Variants in GABRG3 observed in about 807,000 individuals in gnomAD.
GABRG3 encodes the protein gamma-aminobutyric acid type A receptor subunit gamma3.
Under a neutral mutation model 48.8 loss-of-function variants are expected in GABRG3, and 25 were observed. The ratio of observed to expected loss-of-function variants is 0.51; its 90% CI spans 0.37 to 0.72. GABRG3 has a LOEUF of 0.72. Ranked by LOEUF, GABRG3 falls within the 30% of genes least tolerant of loss-of-function variation. GABRG3 has a pLI of 0.00. For missense variants in GABRG3, 394 were observed against 577.9 expected (o/e 0.68, Z 3.26); for synonymous variants, 227 against 217.6 (o/e 1.04, Z -0.38).
At chr15:27,436,260 T>C (rs1021751943) in intron 5 of GABRG3, among the ~76,000 whole-genome samples, 1 of 152,256 alleles carries the variant, frequency 6.6e-6, no homozygotes, top group Non-Finnish European at 1.5e-5. Context: ...GCTCTTTCTG[T>C]CTCTTCTTAT....
chr15:27,241,630 A>C (rs1025159728), intron 3 of GABRG3, among the ~76,000 whole-genome samples: 1 of 152,186 alleles, frequency 6.6e-6, no homozygotes, highest in South Asian at 2.1e-4. Flanking sequence ...TTCACTTTCC[A>C]TTTAAATGTT....
chr15:27,042,682 G>A (rs544063255), intron 3 of GABRG3, among the ~76,000 whole-genome samples: 43 of 152,334 alleles, frequency 2.8e-4, no homozygotes, highest in African/African-American at 8.4e-4. Context: ...CCAAACTCCC[G>A]GTGCCTGGGT....
At position 27,177,907 on chromosome 15, in the gene GABRG3, G is replaced by A. The variant is rs208130; in HGVS notation, c.271-148902G>A. Among the ~76,000 whole-genome samples, 1,206 of 152,248 alleles carry A rather than the reference G, an allele frequency of 7.9e-3. 17 individuals carry two copies. Among genetic ancestry groups the A allele is most frequent in the African/African-American group, 0.028 (1,147 of 41,552 alleles). On this transcript the variant is annotated intron_variant, in intron 3 of 9. Coordinates refer to ENST00000615808, the MANE Select transcript of GABRG3 (RefSeq NM_033223.5). ...TAGCCAATGAGCACAGTGGTGGTCA[G>A]AGGATGGAAAAATTACTAAGAAGAA...
chr15:27,156,753 T>G lies in GABRG3; in HGVS notation c.270+129932T>G, dbSNP rs542384855. ...GTTGAAGATGAATTTGTTTTCCAGCTTTTACTCTGAAGGTGATCAGCAGTC... is the reference window on the plus strand; with the variant it reads ...GTTGAAGATGAATTTGTTTTCCAGCGTTTACTCTGAAGGTGATCAGCAGTC... On this transcript the variant is annotated intron_variant, in intron 3 of 9. Coordinates refer to ENST00000615808, the MANE Select transcript of GABRG3 (RefSeq NM_033223.5). 5.3e-5 allele frequency among the ~76,000 whole-genome samples: 8 copies of G among 152,344 alleles called. No homozygotes were observed. In the East Asian group the frequency reaches 1.5e-3, roughly 29 times the overall value.
intron 9 of GABRG3, among the ~76,000 whole-genome samples, chr15:27,529,822 C>T (rs1216378172): frequency 4.5e-5 from 1 of 22,238 alleles, no homozygotes; most frequent in Non-Finnish European, 8.9e-5. Flanking sequence ...AATGATGCTG[C>T]CAAAAGAAGA....
intron 6 of GABRG3, among the ~76,000 whole-genome samples, chr15:27,500,288 T>C (rs1459307384): frequency 1.3e-5 from 2 of 152,024 alleles, no homozygotes; most frequent in African/African-American, 2.4e-5. Context: ...GCACTGTTGC[T>C]AGAGGCCCGG....
intron 5 of GABRG3, among the ~76,000 whole-genome samples, chr15:27,371,066 C>T (rs1044781824): frequency 6.6e-6 from 1 of 152,102 alleles, no homozygotes; most frequent in African/African-American, 2.4e-5. Context: ...TATACAATTA[C>T]ACCATCATCC....
chr15:27,341,403 A>T (rs1894173097), intron 5 of GABRG3, among the ~76,000 whole-genome samples: 1 of 152,150 alleles, frequency 6.6e-6, no homozygotes, highest in Non-Finnish European at 1.5e-5. Context: ...AAACTTTAAA[A>T]ATCAAACTTG....
intron 5 of GABRG3, among the ~76,000 whole-genome samples, chr15:27,332,025 A>C (rs1274052368): frequency 6.6e-6 from 1 of 152,214 alleles, no homozygotes; most frequent in Non-Finnish European, 1.5e-5. Flanking sequence ...ACCACTTTAC[A>C]TGTGTAGCAT....
chr15:27,405,735 A>C (rs891268823), intron 5 of GABRG3, among the ~76,000 whole-genome samples: 3 of 152,068 alleles, frequency 2.0e-5, no homozygotes, highest in African/African-American at 7.2e-5. Context: ...GAGGGTTTTG[A>C]AGCGGCAACA....
intron 3 of GABRG3, among the ~76,000 whole-genome samples, chr15:27,173,625 C>T (rs1264163773): frequency 6.7e-6 from 1 of 149,946 alleles, no homozygotes; most frequent in East Asian, 2.0e-4. Context: ...AATCCCAGTG[C>T]TTTGAGAGGC....
At chr15:26,990,971 A>C (rs1882156501) in intron 2 of GABRG3, among the ~76,000 whole-genome samples, 1 of 151,850 alleles carries the variant, frequency 6.6e-6, no homozygotes, top group South Asian at 2.1e-4. Flanking sequence ...GACCTGGCTA[A>C]CTTTTGTATT....
intron 3 of GABRG3, among the ~76,000 whole-genome samples, chr15:27,253,413 C>T (rs189606982): frequency 6.6e-6 from 1 of 152,308 alleles, no homozygotes; most frequent in East Asian, 1.9e-4. Flanking sequence ...GCTGCTTGCT[C>T]TTCCCTCCCC....
intron 6 of GABRG3, among the ~76,000 whole-genome samples, chr15:27,518,230 G>A (rs1039426157): frequency 7.5e-5 from 11 of 147,170 alleles, no homozygotes; most frequent in African/African-American, 1.6e-4. Context: ...TTAGCCAGAC[G>A]TGGTGGCACA....
At chr15:27,166,340 A>T (rs998581548) in intron 3 of GABRG3, among the ~76,000 whole-genome samples, 18 of 152,200 alleles carry the variant, frequency 1.2e-4, no homozygotes, top group African/African-American at 4.3e-4. Flanking sequence ...ATTCCATTTT[A>T]GTATTGATTT....
chr15:27,150,239 T>C (rs532442634), intron 3 of GABRG3, among the ~76,000 whole-genome samples: 8 of 152,316 alleles, frequency 5.3e-5, no homozygotes, highest in African/African-American at 1.9e-4. Flanking sequence ...GGAAAAAATG[T>C]GAACCTGTTT....
chr15:27,143,623 G>A (rs536022001), intron 3 of GABRG3, among the ~76,000 whole-genome samples: 33 of 152,332 alleles, frequency 2.2e-4, no homozygotes, highest in African/African-American at 7.2e-4. Context: ...AGATGATGCC[G>A]TGGAAAGCTG....
chr15:27,174,129 C>T (rs1460276527), intron 3 of GABRG3, among the ~76,000 whole-genome samples: 1 of 152,058 alleles, frequency 6.6e-6, no homozygotes, highest in Non-Finnish European at 1.5e-5. Flanking sequence ...ATTTTACTAC[C>T]AACACAATTA....
chr15:27,230,816 C>G (rs1889772543), intron 3 of GABRG3, among the ~76,000 whole-genome samples: 1 of 152,050 alleles, frequency 6.6e-6, no homozygotes, highest in Non-Finnish European at 1.5e-5. Context: ...AATTAAGTGT[C>G]TAAAAATAAA....
Sources: gnomAD v4.1 joint callset for allele counts (sites outside exome capture counted in the v4.1 genomes callset) on GRCh38, gnomAD v4.1.1 for gene constraint, MANE v1.5 for transcripts, NCBI Gene and HGNC (gene_info 2026-07-23, HGNC 2026-07-21) for gene names.